Variants in TLK1 observed in about 807,000 individuals in gnomAD.
The protein encoded by TLK1 is serine/threonine-protein kinase tousled-like 1.
In TLK1, 24 loss-of-function variants were observed where a neutral mutation model predicts 105.3. The ratio of observed to expected loss-of-function variants is 0.23; its 90% confidence interval spans 0.17 to 0.32. TLK1 has a LOEUF of 0.32. Among genes scored for constraint, TLK1 ranks in the 10% least tolerant of loss-of-function variants. The probability of loss-of-function intolerance (pLI) is 1.00; values close to 1 mark genes in which losing one functional copy is unlikely to be tolerated. For synonymous variants in TLK1, 321 were observed against 310.4 expected (o/e 1.03, Z -0.36); for missense variants, 558 against 910.5 (o/e 0.61, Z 4.98).
intron 1 of TLK1, among the ~76,000 whole-genome samples, chr2:171,128,027 C>T (rs529687432): frequency 5.1e-4 from 77 of 152,252 alleles, no homozygotes; most frequent in African/African-American, 1.7e-3. Context: ...GTAGAGAAGA[C>T]AGGTCTAATC....
intron 1 of TLK1, among the ~76,000 whole-genome samples, chr2:171,176,362 T>C (rs1437081082): frequency 6.6e-6 from 1 of 152,208 alleles, no homozygotes; most frequent in Non-Finnish European, 1.5e-5. Context: ...TCTCCAGCCC[T>C]GACCACTCTC....
At chr2:171,197,220 G>A (rs555277905) in intron 1 of TLK1, among the ~76,000 whole-genome samples, 12 of 152,070 alleles carry the variant, frequency 7.9e-5, no homozygotes, top group South Asian at 6.2e-4. Context: ...TTAGAAAAGC[G>A]CTCATACATT....
At chr2:171,157,066 A>C in intron 1 of TLK1, among the ~76,000 whole-genome samples, 1 of 152,202 alleles carries the variant, frequency 6.6e-6, no homozygotes, top group Non-Finnish European at 1.5e-5. Context: ...TAGGCCTCCC[A>C]AAGTGCTGGG....
At chr2:171,090,808 G>A (rs950037430) in intron 2 of TLK1, among the ~76,000 whole-genome samples, 9 of 152,110 alleles carry the variant, frequency 5.9e-5, no homozygotes, top group Non-Finnish European at 1.3e-4. Flanking sequence ...TATTGGTAAT[G>A]TTGCCAAAAG....
chr2:171,131,153 A>C (rs1311629971), intron 1 of TLK1, among the ~76,000 whole-genome samples: 1 of 152,160 alleles, frequency 6.6e-6, no homozygotes, highest in Non-Finnish European at 1.5e-5. Flanking sequence ...ATACAGAAAT[A>C]TGTATATAAT....
At chr2:171,057,926 A>G (rs754604052) in intron 5 of TLK1, among the ~76,000 whole-genome samples, 1 of 152,124 alleles carries the variant, frequency 6.6e-6, no homozygotes, top group Non-Finnish European at 1.5e-5. Flanking sequence ...CCTATCTTAC[A>G]GGTTATTATA....
intron 18 of TLK1, among the ~76,000 whole-genome samples, chr2:171,003,540 A>G (rs1684498926): frequency 6.6e-6 from 1 of 152,304 alleles, no homozygotes; most frequent in Middle Eastern, 3.4e-3. Flanking sequence ...GGTTGACAAT[A>G]TTGCACTAAA....
intron 1 of TLK1, among the ~76,000 whole-genome samples, chr2:171,128,284 T>C (rs570353135): frequency 6.6e-6 from 1 of 152,292 alleles, no homozygotes; most frequent in African/African-American, 2.4e-5. Flanking sequence ...TAAAAAAATC[T>C]GACAACTAAT....
At chr2:171,158,609 A>T (rs1692326763) in intron 1 of TLK1, among the ~76,000 whole-genome samples, 1 of 152,226 alleles carries the variant, frequency 6.6e-6, no homozygotes, top group Non-Finnish European at 1.5e-5. Context: ...TGAATGAATG[A>T]ATGAATGAAT....
intron 10 of TLK1, among the ~76,000 whole-genome samples, chr2:171,047,439 C>G (rs972364003): frequency 1.3e-4 from 20 of 152,318 alleles, no homozygotes; most frequent in Non-Finnish European, 2.5e-4. Flanking sequence ...AGGGCTCCTA[C>G]TTTGCTAATG....
chr2:171,021,223 A>T (rs549895852), intron 12 of TLK1, among the ~76,000 whole-genome samples: 2 of 151,828 alleles, frequency 1.3e-5, no homozygotes, highest in South Asian at 4.2e-4. Flanking sequence ...AGCATCAAAT[A>T]AATGTTTAAG....
intron 1 of TLK1, among the ~76,000 whole-genome samples, chr2:171,156,731 A>G (rs949848917): frequency 2.6e-5 from 4 of 152,250 alleles, no homozygotes; most frequent in Non-Finnish European, 2.9e-5. Flanking sequence ...CGTTTTTAAC[A>G]TCTCATTACT....
intron 1 of TLK1, among the ~76,000 whole-genome samples, chr2:171,218,170 C>T (rs1326037512): frequency 6.6e-6 from 1 of 152,148 alleles, no homozygotes; most frequent in African/African-American, 2.4e-5. Context: ...AGGAGAATTG[C>T]TTAAACCCAG....
Position 171,230,063 on chromosome 2 carries a change from A to T in TLK1, c.-6+1082T>A, listed in dbSNP as rs186906085. On this transcript the variant is annotated intron_variant, in intron 1 of 20. Coordinates refer to the TLK1 transcript ENST00000521943. ...AGACTAATAAAAAGTGATTACTTCC[A>T]TAATTATTCATTTGAAAAGCTAATA... Among the ~76,000 whole-genome samples the T allele has an allele frequency of 1.5e-3, 225 of 152,336 alleles. 1 individual carries two copies. The highest frequency in any genetic ancestry group is 2.6e-3 in the Non-Finnish European group (179 of 68,028).
intron 1 of TLK1, among the ~76,000 whole-genome samples, chr2:171,142,112 T>C (rs1181543835): frequency 6.6e-6 from 1 of 151,924 alleles, no homozygotes; most frequent in Non-Finnish European, 1.5e-5. Flanking sequence ...AGGAGGCATA[T>C]TGTAATCTCT....
At position 171,160,837 on chromosome 2, in the gene TLK1, C is replaced by T. The variant is rs974491481; in HGVS notation, c.-409G>A. ...CAGTGCGTCGGCCCCCGGCGTCGCCCGGGAGGCGGCGGCGGCGGGCTGTGG... is the reference window on the plus strand; with the variant it reads ...CAGTGCGTCGGCCCCCGGCGTCGCCTGGGAGGCGGCGGCGGCGGGCTGTGG... On this transcript the variant is annotated 5_prime_UTR_variant, in exon 1 of 21. Transcript: ENST00000431350. This position sits in a 1 kb window ranked among gnomAD's most constrained non-coding sequence, Gnocchi z 4.4. 2.1e-5 allele frequency: 7 copies of T among 326,588 alleles called. No homozygotes were observed. Among genetic ancestry groups the T allele is most frequent in the African/African-American group, 1.6e-4 (7 of 44,496 alleles). The allele number at this position is 326,588 out of a possible 1,614,324, so 20.2% of individuals were successfully genotyped here.
chr2:171,015,201 C>T (rs1313762993), intron 12 of TLK1, among the ~76,000 whole-genome samples: 3 of 151,904 alleles, frequency 2.0e-5, no homozygotes, highest in Admixed American at 6.6e-5. Context: ...TTCTGTACTA[C>T]AAGAAATCTA....
intron 1 of TLK1, among the ~76,000 whole-genome samples, chr2:171,169,086 A>G (rs1407765087): frequency 6.6e-6 from 1 of 152,188 alleles, no homozygotes; most frequent in Non-Finnish European, 1.5e-5. Flanking sequence ...TCAAAAAAAA[A>G]AAAAAATTTG....
intron 1 of TLK1, among the ~76,000 whole-genome samples, chr2:171,120,248 GAAAAAAAAAAAAAA>G (rs71008751): frequency 2.1e-5 from 1 of 47,048 alleles, no homozygotes; most frequent in African/African-American, 8.0e-5. Flanking sequence ...GACTCCGTCA[GAAAAAAAAAAAAAA>G]AAAAAAAAAA....
Sources: allele counts gnomAD v4.1 joint callset (sites outside exome capture counted in the v4.1 genomes callset), GRCh38; gene constraint gnomAD v4.1.1; non-coding constraint Gnocchi (gnomAD v3.1); transcripts MANE v1.5; gene names NCBI Gene and HGNC (gene_info 2026-07-23, HGNC 2026-07-21).